Variants in FAM83B observed in about 807,000 individuals in gnomAD.
FAM83B encodes scaffolding CK1 anchoring protein B.
Under a neutral mutation model 38.8 loss-of-function variants are expected in FAM83B, and 26 were observed. That is an observed-to-expected ratio of 0.67 (90% CI 0.49 to 0.93). The LOEUF is 0.93. Among genes scored for constraint, FAM83B ranks in the 40% least tolerant of loss-of-function variants. FAM83B has a pLI of 0.00. For missense variants in FAM83B, 1,237 were observed against 1,197.3 expected (o/e 1.03, Z -0.49); for synonymous variants, 419 against 423.1 (o/e 0.99, Z 0.12).
At position 54,927,534 on chromosome 6, in the gene FAM83B, C is replaced by T. The variant is rs969730586; in HGVS notation, c.636C>T (p.Gly212=). The change falls in exon 4 of 5, where the codon GGC becomes GGT. Residue 212 remains glycine, a synonymous_variant. Transcript: ENST00000306858. Reference sequence around the variant, plus strand: ...ATATTCGAGTGCGAACAGTAAAAGGCCAAGATTATCTTTCAAAAACAGGGG... The same window carrying T: ...ATATTCGAGTGCGAACAGTAAAAGGTCAAGATTATCTTTCAAAAACAGGGG... ...LRNIRVRTVK[G]QDYLSKTGAK... 1 of 1,605,336 alleles carries T rather than the reference C, an allele frequency of 6.2e-7. No homozygotes were observed. The highest frequency in any genetic ancestry group is 8.5e-7 in the Non-Finnish European group (1 of 1,175,062).
intron 2 of FAM83B, among the ~76,000 whole-genome samples, chr6:54,885,983 A>G (rs947716917): frequency 6.6e-6 from 1 of 151,848 alleles, no homozygotes; most frequent in Admixed American, 6.6e-5. Context: ...TAATAATAAT[A>G]ATAAGTAACT....
At chr6:54,899,804 A>G (rs1002956718) in intron 2 of FAM83B, among the ~76,000 whole-genome samples, 3 of 152,188 alleles carry the variant, frequency 2.0e-5, no homozygotes, top group South Asian at 2.1e-4. Flanking sequence ...GAATGTTACC[A>G]TAGCAGTCGG....
chr6:54,864,813 A>G (rs565630614), intron 1 of FAM83B, among the ~76,000 whole-genome samples: 3 of 152,332 alleles, frequency 2.0e-5, no homozygotes, highest in Admixed American at 6.5e-5. Context: ...ACAATCCTTT[A>G]TGAAACATTT....
intron 1 of FAM83B, among the ~76,000 whole-genome samples, chr6:54,862,316 G>C (rs1216013650): frequency 6.6e-6 from 1 of 152,156 alleles, no homozygotes; most frequent in Admixed American, 6.5e-5. Context: ...CACAGGAGGA[G>C]GGGAACAAAA....
chr6:54,909,018 C>T (rs560989867), intron 2 of FAM83B, among the ~76,000 whole-genome samples: 2 of 152,146 alleles, frequency 1.3e-5, no homozygotes, highest in East Asian at 1.9e-4. Context: ...ATGTCTTTGG[C>T]GTGTGTCTGT....
chr6:54,916,740 C>T (rs1773048813), intron 2 of FAM83B, among the ~76,000 whole-genome samples: 1 of 152,182 alleles, frequency 6.6e-6, no homozygotes. Flanking sequence ...CGATACCCCT[C>T]CTCTCTTCTG....
chr6:54,887,522 G>GT (rs1183564827), intron 2 of FAM83B, among the ~76,000 whole-genome samples: 3 of 151,776 alleles, frequency 2.0e-5, no homozygotes, highest in Non-Finnish European at 2.9e-5. Flanking sequence ...TTTCACTTTG[G>GT]TTTTTTTGTT....
chr6:54,892,340 G>A (rs1209510761), intron 2 of FAM83B, among the ~76,000 whole-genome samples: 3 of 151,328 alleles, frequency 2.0e-5, no homozygotes, highest in Non-Finnish European at 1.5e-5. Context: ...ATCATGTCAC[G>A]GGGGCTTGTT....
At chr6:54,937,381 A>G (rs754894705) in intron 4 of FAM83B, among the ~76,000 whole-genome samples, 1 of 152,108 alleles carries the variant, frequency 6.6e-6, no homozygotes, top group Non-Finnish European at 1.5e-5. Context: ...TAAAAATTGT[A>G]TTTTATATTA....
intron 4 of FAM83B, among the ~76,000 whole-genome samples, chr6:54,931,811 TGATG>T (rs758438906): frequency 1.3e-5 from 2 of 152,098 alleles, no homozygotes; most frequent in Non-Finnish European, 2.9e-5. Flanking sequence ...AACCAATTAC[TGATG>T]GAGAAGGACT....
chr6:54,876,802 G>A (rs1261404820), intron 2 of FAM83B, among the ~76,000 whole-genome samples: 1 of 152,020 alleles, frequency 6.6e-6, no homozygotes, highest in Non-Finnish European at 1.5e-5. Context: ...TGAGCTTTGA[G>A]GTAGTGTTAC....
At chr6:54,924,893 A>C (rs965502034) in intron 2 of FAM83B, among the ~76,000 whole-genome samples, 1 of 152,082 alleles carries the variant, frequency 6.6e-6, no homozygotes, top group Admixed American at 6.6e-5. Context: ...TTTAAAGCCT[A>C]TTCTTAACAC....
Position 54,862,904 on chromosome 6 carries a change from A to C in FAM83B, c.-60-7283A>C, listed in dbSNP as rs1054509473. ...AAAAAAACCACGAAAAAAAAAATCC[A>C]CCTGTCATCTTGTTTTCATTAATTA... On this transcript the variant is annotated intron_variant, in intron 1 of 4. Transcript: ENST00000306858. Among the ~76,000 whole-genome samples the C allele has an allele frequency of 4.6e-5, 7 of 151,532 alleles. No homozygotes were observed. In the East Asian group the frequency reaches 7.8e-4, roughly 17 times the overall value.
intron 2 of FAM83B, among the ~76,000 whole-genome samples, chr6:54,888,507 C>G (rs544268875): frequency 6.6e-6 from 1 of 151,750 alleles, no homozygotes; most frequent in Non-Finnish European, 1.5e-5. Context: ...ATAATTTATA[C>G]CTGGTATGGA....
chr6:54,887,961 A>G (rs939377372), intron 2 of FAM83B, among the ~76,000 whole-genome samples: 3 of 150,892 alleles, frequency 2.0e-5, no homozygotes, highest in Non-Finnish European at 4.4e-5. Context: ...ATTAGTATAT[A>G]ACATGTAATT....
chr6:54,870,700 T>G lies in FAM83B; in HGVS notation c.444+10T>G. On this transcript the variant is annotated intron_variant, in intron 2 of 4. Coordinates refer to ENST00000306858, the MANE Select transcript of FAM83B (RefSeq NM_001010872.3). The stretch of plus-strand genomic sequence containing the variant: ...AAAAGAAGCAAGAAAGGTAATAACA[T>G]TTCTATTTTGAAATGAAAAATTTGA... The G allele has an allele frequency of 6.4e-7, 1 of 1,566,708 alleles. No homozygotes were observed. The highest frequency in any genetic ancestry group is 8.6e-7 in the Non-Finnish European group (1 of 1,161,566).
chr6:54,864,602 T>C (rs1275586734), intron 1 of FAM83B, among the ~76,000 whole-genome samples: 3 of 152,214 alleles, frequency 2.0e-5, no homozygotes. Flanking sequence ...ACATGAGATA[T>C]CAAATTGCAC....
rs1000491039 is a variant in FAM83B at position 54,943,598 on chromosome 6, T to C, written c.*1591T>C. ...TAAAATATCTATATCATTAAAATAA[T>C]TTTCCATAGTGTTTAGAAACCATGA... On this transcript the variant is annotated 3_prime_UTR_variant, in exon 5 of 5. Transcript: ENST00000306858. 1 of 152,146 alleles carries C rather than the reference T, an allele frequency of 6.6e-6. No individual in the cohort carries two copies. The highest frequency in any genetic ancestry group is 6.5e-5 in the Admixed American group (1 of 15,268). 9.4% of individuals were successfully genotyped at this position (152,146 alleles called of 1,614,324 possible).
At chr6:54,921,449 G>A (rs1011960625) in intron 2 of FAM83B, among the ~76,000 whole-genome samples, 6 of 151,862 alleles carry the variant, frequency 4.0e-5, no homozygotes, top group Admixed American at 6.6e-5. Flanking sequence ...CTCGGAGACC[G>A]TTAATACTAA....
Sources: allele counts gnomAD v4.1 joint callset (sites outside exome capture counted in the v4.1 genomes callset), GRCh38; gene constraint gnomAD v4.1.1; transcripts MANE v1.5; gene names NCBI Gene and HGNC (gene_info 2026-07-23, HGNC 2026-07-21).